TSPAN1: variants seen among roughly 807,000 people sequenced by gnomAD.
The protein encoded by TSPAN1 is tetraspanin-1.
A neutral mutation model predicts 26.9 loss-of-function variants in TSPAN1; 23 were observed. That is an observed-to-expected ratio of 0.85 (90% CI 0.62 to 1.21). The LOEUF (loss-of-function observed/expected upper bound fraction) is 1.21, where lower values mean the gene tolerates loss of function less well. Ranked by LOEUF, TSPAN1 falls within the 50% of genes most tolerant of loss-of-function variation. The pLI, the probability that TSPAN1 is intolerant of heterozygous loss-of-function variation, is 0.00. For synonymous variants in TSPAN1, 115 were observed against 114.8 expected, an observed-to-expected ratio of 1.00 and a Z score of -0.01; for missense variants, 283 against 298.4, an observed-to-expected ratio of 0.95 and a Z score of 0.38.
Position 46,185,718 on chromosome 1 carries a change from TC to T in TSPAN1, c.*187del. 1.5e-6 allele frequency: 1 copy of T among 670,122 alleles called. No homozygotes were observed. The highest frequency in any genetic ancestry group is 1.8e-5 in the South Asian group (1 of 54,694). The allele number at this position is 670,122 out of a possible 1,614,324, so 41.5% of individuals were successfully genotyped here. A position where few individuals can be genotyped will look rare whatever the true frequency, so the allele number is the denominator to read the frequency against. ...ACTCCTTTTAGGCGATGCCTGACTT[TC>T]CTTCCATTGGTGGGTGGATGGGTGG... is the stretch of plus-strand genomic sequence containing the variant. On this transcript the variant is annotated 3_prime_UTR_variant, in exon 9 of 9. Coordinates refer to ENST00000372003, the MANE Select transcript of TSPAN1 (RefSeq NM_005727.4).
chr1:46,186,363 C>T (rs1657426505), downstream of TSPAN1, among the ~76,000 whole-genome samples: 1 of 152,130 alleles, frequency 6.6e-6, no homozygotes, highest in Non-Finnish European at 1.5e-5. Context: ...AGGCTGCCTG[C>T]CTTTCCCACT....
At chr1:46,183,859 G>C in intron 3 of TSPAN1, 1 of 412,044 alleles carries the variant, frequency 2.4e-6, no homozygotes, top group South Asian at 2.3e-5. Context: ...TAGGAGGCTG[G>C]GCCCTCACCT....
At chr1:46,193,589 G>A in the TSPAN1 span, 2 of 1,614,170 alleles carry the variant, frequency 1.2e-6, no homozygotes, top group Non-Finnish European at 1.7e-6. Context: ...AATGAAAACT[G>A]TTATCATCTG....
intron 3 of TSPAN1, 96 bp downstream of exon 3, chr1:46,181,260 C>A: frequency 8.0e-7 from 1 of 1,257,342 alleles, no homozygotes; most frequent in Non-Finnish European, 1.1e-6. Flanking sequence ...CTGCTATGCC[C>A]AGGCTTCGTC....
chr1:46,179,964 A>AGAGTGTGTGTGTGTGTGTGTGTGTGTGT (rs1657275164), intron 1 of TSPAN1, among the ~76,000 whole-genome samples: 2 of 146,786 alleles, frequency 1.4e-5, no homozygotes, highest in African/African-American at 5.0e-5. Context: ...AGAAAGAGGG[A>AGAGTGTGTGTGTGTGTGTGTGTGTGTGT]GTGTGTGTGT....
downstream of TSPAN1, chr1:46,189,344 G>A: frequency 1.9e-6 from 3 of 1,613,934 alleles, no homozygotes; most frequent in Non-Finnish European, 1.7e-6. Flanking sequence ...GTGACTGAGG[G>A]TGGCTTCTTC....
rs879207176 is a variant in TSPAN1 at position 46,185,842 on chromosome 1, T to G, written c.*309T>G. 17 of 464,566 alleles carry G rather than the reference T, an allele frequency of 3.7e-5. No individual in the cohort carries two copies. In the South Asian group the frequency reaches 4.1e-4, roughly 11 times the overall value. 28.8% of individuals were successfully genotyped at this position (464,566 alleles called of 1,614,324 possible). ...CCCCTAGGCCTAGTGGTGATCCCAG[T>G]GCTCTACTGGGGGATGAGAGAAAGG... is the stretch of plus-strand genomic sequence containing the variant. On this transcript the variant is annotated 3_prime_UTR_variant, in exon 9 of 9. Coordinates refer to ENST00000372003, the MANE Select transcript of TSPAN1 (RefSeq NM_005727.4).
chr1:46,195,565 C>G, the TSPAN1 span: 1 of 562,788 alleles, frequency 1.8e-6, no homozygotes, highest in East Asian at 3.3e-5. Flanking sequence ...AATATAAGCT[C>G]CATGAGGGTG....
the TSPAN1 span, chr1:46,191,931 G>A: frequency 8.5e-7 from 1 of 1,173,080 alleles, no homozygotes. Flanking sequence ...ACCGCGCCCA[G>A]CCCTTTATCC....
chr1:46,194,882 C>T, the TSPAN1 span: 10 of 1,614,070 alleles, frequency 6.2e-6, no homozygotes, highest in Non-Finnish European at 8.5e-6. Context: ...GTCCCTCCAG[C>T]CCAGGGCAGG....
intron 1 of TSPAN1, among the ~76,000 whole-genome samples, chr1:46,179,889 C>G (rs76179232): frequency 0.048 from 7,350 of 152,082 alleles, 482 homozygotes; most frequent in African/African-American, 0.15. Flanking sequence ...TTGCTACTCG[C>G]AGGAGAGAGC....
intron 1 of TSPAN1, chr1:46,175,623 C>G: frequency 2.5e-6 from 1 of 399,292 alleles, no homozygotes; most frequent in Non-Finnish European, 4.4e-6. Context: ...CCTGAGATGT[C>G]TGAGAACTGA....
At chr1:46,192,396 C>T in the TSPAN1 span, 32 of 1,614,050 alleles carry the variant, frequency 2.0e-5, no homozygotes, top group Admixed American at 3.3e-5. Context: ...GGTCTCCACA[C>T]GGTACAGTAG....
In TSPAN1 at chr1:46,182,109, T is replaced by A. The variant is rs557974556; in HGVS notation, c.57+945T>A. On this transcript the variant is annotated intron_variant, in intron 3 of 8. Transcript: ENST00000372003. ...ATATCTCTGGCATGAGCAACCCAGA[T>A]GGCAGGGGGTGGGGCCTGGTTTGTG... Among the ~76,000 whole-genome samples the A allele has an allele frequency of 2.0e-5, 3 of 151,396 alleles. No homozygotes were observed. In the South Asian group the frequency reaches 6.3e-4, roughly 32 times the overall value.
At chr1:46,183,152 A>G (rs1280632824) in intron 3 of TSPAN1, among the ~76,000 whole-genome samples, 1 of 152,164 alleles carries the variant, frequency 6.6e-6, no homozygotes, top group Admixed American at 6.5e-5. Context: ...AGGAAGCAAT[A>G]GGATTCCAGG....
At chr1:46,195,466 C>T in the TSPAN1 span, 1 of 385,820 alleles carries the variant, frequency 2.6e-6, no homozygotes, top group South Asian at 2.2e-5. Flanking sequence ...ATTCATTATC[C>T]CCTGCTTTAT....
At chr1:46,191,939 T>G in the TSPAN1 span, 1 of 1,252,948 alleles carries the variant, frequency 8.0e-7, no homozygotes, top group Non-Finnish European at 1.1e-6. Flanking sequence ...CAGCCCTTTA[T>G]CCTCATTTTT....
the TSPAN1 span, chr1:46,192,798 C>G: frequency 2.5e-6 from 4 of 1,591,422 alleles, no homozygotes; most frequent in Admixed American, 1.7e-5. Flanking sequence ...GCTTCGCCCC[C>G]ACTTGTGAGC....
At chr1:46,189,026 C>T (rs781694733), downstream of TSPAN1, 13 of 1,575,012 alleles carry the variant, frequency 8.3e-6, no homozygotes, top group African/African-American at 6.8e-5. Context: ...TGCTAGGGAT[C>T]GTAATGATTC....
Sources: allele counts gnomAD v4.1 joint callset (sites outside exome capture counted in the v4.1 genomes callset), GRCh38; gene constraint gnomAD v4.1.1; transcripts MANE v1.5; gene names NCBI Gene and HGNC (gene_info 2026-07-23, HGNC 2026-07-21).